The following DDX4 variants were observed in gnomAD, a reference collection of about 807,000 sequenced individuals.
DDX4 encodes DEAD-box helicase 4, also known as probable ATP-dependent RNA helicase DDX4.
DDX4 carries 25 observed loss-of-function variants against 100.0 expected under a neutral mutation model. The ratio of observed to expected loss-of-function variants is 0.25; its 90% CI spans 0.18 to 0.35. The LOEUF (loss-of-function observed/expected upper bound fraction) is 0.35, where lower values mean the gene tolerates loss of function less well. DDX4 is among the 10% of genes least tolerant of loss of function. The pLI is 1.00. For missense variants in DDX4, 635 were observed against 882.4 expected, an observed-to-expected ratio of 0.72 and a Z score of 3.55; for synonymous variants, 259 against 275.7, an observed-to-expected ratio of 0.94 and a Z score of 0.60.
At chr5:55,813,524 TC>T in intron 18 of DDX4, 148 bp from the exon 19 acceptor site, 1 of 1,092,512 alleles carries the variant, frequency 9.2e-7, no homozygotes. Context: ...GGAATTAGAG[TC>T]CCTCTTATGT....
rs563992955 is a variant in DDX4, at chr5:55,760,620, A to T, written c.205+343A>T. Among the ~76,000 whole-genome samples, 15 of 152,284 alleles carry T rather than the reference A, an allele frequency of 9.9e-5. No homozygotes were observed. The East Asian group carries it at 2.9e-3, about 29-fold the overall frequency. On this transcript the variant is annotated intron_variant, in intron 4 of 21. Coordinates refer to ENST00000505374, the MANE Select transcript of DDX4 (RefSeq NM_024415.3). ...TATTTGTAAAAGCTTCAGGGATTAG[A>T]GGTGAGAGGGACTCTTTCTTGAATT...
chr5:55,773,650 A>C (rs577952349), intron 7 of DDX4, among the ~76,000 whole-genome samples: 1 of 151,848 alleles, frequency 6.6e-6, no homozygotes, highest in Non-Finnish European at 1.5e-5. Flanking sequence ...TTTTTGAGAC[A>C]GGGTCTTACT....
At chr5:55,802,613 C>G (rs1215661115) in intron 18 of DDX4, among the ~76,000 whole-genome samples, 1 of 152,198 alleles carries the variant, frequency 6.6e-6, no homozygotes. Context: ...ACTTTAGAAC[C>G]TTCTACCCAA....
At chr5:55,752,721 A>G (rs1287775871) in intron 3 of DDX4, among the ~76,000 whole-genome samples, 1 of 144,458 alleles carries the variant, frequency 6.9e-6, no homozygotes, top group Admixed American at 7.2e-5. Flanking sequence ...GCTGGGTCAA[A>G]TGGTATTTCC....
At chr5:55,742,292 T>C in intron 2 of DDX4, 1 of 452,856 alleles carries the variant, frequency 2.2e-6, no homozygotes, top group Non-Finnish European at 4.5e-6. Flanking sequence ...ACTTACTAGC[T>C]GTGAGGCCTC....
intron 7 of DDX4, among the ~76,000 whole-genome samples, chr5:55,770,342 G>A (rs1473399718): frequency 6.6e-6 from 1 of 152,086 alleles, no homozygotes; most frequent in South Asian, 2.1e-4. Context: ...ATTTGAGGGG[G>A]GAAGAAATTG....
At chr5:55,803,256 T>C (rs1045841243) in intron 18 of DDX4, among the ~76,000 whole-genome samples, 5 of 152,026 alleles carry the variant, frequency 3.3e-5, no homozygotes, top group African/African-American at 1.2e-4. Flanking sequence ...GCTTCATCCA[T>C]GTCCCTACAA....
rs571712807 is a variant in DDX4 at position 55,783,716 on chromosome 5, A to AAT, written c.626-1580_626-1579dup. 1.7e-4 allele frequency among the ~76,000 whole-genome samples: 26 copies of AAT among 151,506 alleles called. 1 individual carries two copies. The South Asian group carries it at 5.0e-3, about 29-fold the overall frequency. On this transcript the variant is annotated intron_variant, in intron 10 of 21. Coordinates refer to ENST00000505374, the MANE Select transcript of DDX4 (RefSeq NM_024415.3). Reference sequence around the variant, plus strand: ...ATGGATGGATGGATGAGAAGGAACTAATTAGGGGAATTGGCTCGTGAGATT... The same window carrying AAT: ...ATGGATGGATGGATGAGAAGGAACTAATATTAGGGGAATTGGCTCGTGAGATT...
chr5:55,807,928 C>T (rs1184651795), intron 18 of DDX4, among the ~76,000 whole-genome samples: 6 of 152,196 alleles, frequency 3.9e-5, no homozygotes, highest in Non-Finnish European at 8.8e-5. Context: ...AACTTTCTTC[C>T]ATTCTCCCTG....
intron 3 of DDX4, among the ~76,000 whole-genome samples, chr5:55,753,222 C>A (rs1480468899): frequency 4.0e-5 from 6 of 151,692 alleles, no homozygotes; most frequent in Non-Finnish European, 8.9e-5. Context: ...TCTTTTGTTG[C>A]CATTGCCCTA....
intron 3 of DDX4, among the ~76,000 whole-genome samples, chr5:55,757,187 T>A (rs1420884976): frequency 6.6e-6 from 1 of 152,148 alleles, no homozygotes; most frequent in East Asian, 1.9e-4. Context: ...TTAGTGGAGA[T>A]TCGTGAGATT....
At chr5:55,803,041 T>C (rs144972235) in intron 18 of DDX4, among the ~76,000 whole-genome samples, 3,046 of 152,032 alleles carry the variant, frequency 0.02, 46 homozygotes, top group Middle Eastern at 0.086. Context: ...GTTGGTGTGC[T>C]GCACCCATTA....
chr5:55,749,120 G>A (rs1306022036), intron 3 of DDX4, among the ~76,000 whole-genome samples: 1 of 152,070 alleles, frequency 6.6e-6, no homozygotes, highest in Non-Finnish European at 1.5e-5. Context: ...ACATTACTTG[G>A]CTTTAAAATG....
chr5:55,814,847 T>A, intron 19 of DDX4, 54 bp from the exon 20 acceptor site: 1 of 1,541,870 alleles, frequency 6.5e-7, no homozygotes, highest in South Asian at 1.2e-5. Context: ...CTTTAATGAT[T>A]CACTTTAATG....
intron 18 of DDX4, among the ~76,000 whole-genome samples, chr5:55,807,791 A>G (rs1743838091): frequency 6.6e-6 from 1 of 152,054 alleles, no homozygotes; most frequent in South Asian, 2.1e-4. Flanking sequence ...GAATCTGACA[A>G]TTATGTGTCT....
At chr5:55,773,299 T>G (rs1741363128) in intron 7 of DDX4, 1 of 152,250 alleles carries the variant, frequency 6.6e-6, no homozygotes, top group South Asian at 2.1e-4. Flanking sequence ...CTTCAGCTGA[T>G]GAATGTTTGA....
intron 2 of DDX4, 144 bp downstream of exon 2, chr5:55,739,176 G>A: frequency 1.6e-6 from 1 of 615,166 alleles, no homozygotes; most frequent in Non-Finnish European, 2.8e-6. Context: ...GGGAATAAGA[G>A]ACAACCTAAG....
At chr5:55,762,020 G>A (rs1344760861) in intron 4 of DDX4, among the ~76,000 whole-genome samples, 1 of 152,202 alleles carries the variant, frequency 6.6e-6, no homozygotes, top group African/African-American at 2.4e-5. Context: ...GTTATGTCCT[G>A]TGAAGTATGT....
chr5:55,746,115 G>T, intron 2 of DDX4, 49 bp from the exon 3 acceptor site: 2 of 1,394,720 alleles, frequency 1.4e-6, no homozygotes, highest in Non-Finnish European at 2.0e-6. Flanking sequence ...TAAATGACAC[G>T]TTCATATTCA....
Sources: allele counts gnomAD v4.1 joint callset (sites outside exome capture counted in the v4.1 genomes callset), GRCh38; gene constraint gnomAD v4.1.1; transcripts MANE v1.5; gene names NCBI Gene and HGNC (gene_info 2026-07-23, HGNC 2026-07-21).